The following NEDD4L variants were observed in gnomAD, a reference collection of about 807,000 sequenced individuals.
NEDD4L encodes NEDD4 like E3 ubiquitin protein ligase.
Under a neutral mutation model 148.9 loss-of-function variants are expected in NEDD4L, and 54 were observed. The observed-to-expected ratio is 0.36, with a 90% CI of 0.29 to 0.45. The LOEUF is 0.45. NEDD4L is among the 20% of genes least tolerant of loss of function. The pLI is 1.00. For synonymous variants in NEDD4L, 433 were observed against 440.7 expected (o/e 0.98, Z 0.22); for missense variants, 856 against 1,233.8 (o/e 0.69, Z 4.59).
intron 1 of NEDD4L, among the ~76,000 whole-genome samples, chr18:58,121,734 T>C (rs547749013): frequency 9.8e-5 from 15 of 152,354 alleles, no homozygotes; most frequent in African/African-American, 2.9e-4. Flanking sequence ...ATGTTTATTA[T>C]ATTTTCTGAT....
chr18:58,098,642 A>G (rs1027024813), intron 1 of NEDD4L, among the ~76,000 whole-genome samples: 1 of 152,148 alleles, frequency 6.6e-6, no homozygotes, highest in Non-Finnish European at 1.5e-5. Flanking sequence ...AGCTGCTGCC[A>G]TCATCATTGT....
At chr18:58,134,118 A>C (rs1184224875) in intron 1 of NEDD4L, among the ~76,000 whole-genome samples, 1 of 152,078 alleles carries the variant, frequency 6.6e-6, no homozygotes, top group East Asian at 1.9e-4. Flanking sequence ...CTCCTGCCTC[A>C]GCCTCTTGAG....
intron 1 of NEDD4L, among the ~76,000 whole-genome samples, chr18:58,135,758 G>A (rs1381256676): frequency 6.6e-6 from 1 of 152,200 alleles, no homozygotes; most frequent in Non-Finnish European, 1.5e-5. Context: ...CCCTTGATTT[G>A]TGGGATCGTT....
chr18:58,204,122 T>C (rs760085021), intron 2 of NEDD4L, among the ~76,000 whole-genome samples: 22 of 151,924 alleles, frequency 1.4e-4, no homozygotes, highest in Non-Finnish European at 3.1e-4. Context: ...TGGCCAGGAG[T>C]TTGAGACCTG....
intron 5 of NEDD4L, among the ~76,000 whole-genome samples, chr18:58,264,816 C>T (rs1342908791): frequency 6.6e-6 from 1 of 152,076 alleles, no homozygotes; most frequent in Non-Finnish European, 1.5e-5. Flanking sequence ...ATTTACCAAC[C>T]CTGAGAGCTT....
intron 26 of NEDD4L, among the ~76,000 whole-genome samples, chr18:58,386,655 C>A (rs1057330173): frequency 2.0e-5 from 3 of 152,104 alleles, no homozygotes; most frequent in Admixed American, 2.0e-4. Context: ...TATTAGTTAC[C>A]TCAAAGATCA....
At chr18:58,300,508 C>T (rs770445096) in intron 5 of NEDD4L, among the ~76,000 whole-genome samples, 2 of 152,230 alleles carry the variant, frequency 1.3e-5, no homozygotes, top group African/African-American at 2.4e-5. Context: ...TAAATAACTA[C>T]ACCAAGTCAC....
At chr18:58,312,818 C>A (rs2057854459) in intron 5 of NEDD4L, among the ~76,000 whole-genome samples, 1 of 152,202 alleles carries the variant, frequency 6.6e-6, no homozygotes, top group South Asian at 2.1e-4. Context: ...GTAGCTGGGA[C>A]TACAGGCATG....
At chr18:58,266,086 A>G (rs922473413) in intron 5 of NEDD4L, among the ~76,000 whole-genome samples, 5 of 152,152 alleles carry the variant, frequency 3.3e-5, no homozygotes, top group Non-Finnish European at 2.9e-5. Flanking sequence ...AGATTTAGCA[A>G]CAAAAAGGGA....
At chr18:58,096,347 A>T (rs866763738) in intron 1 of NEDD4L, among the ~76,000 whole-genome samples, 3 of 116,256 alleles carry the variant, frequency 2.6e-5, no homozygotes, top group Non-Finnish European at 3.5e-5. Context: ...ATTTTATTTT[A>T]TTTATTTTAT....
chr18:58,110,375 G>A (rs2145650617), intron 1 of NEDD4L, among the ~76,000 whole-genome samples: 1 of 152,340 alleles, frequency 6.6e-6, no homozygotes, highest in Non-Finnish European at 1.5e-5. Flanking sequence ...CGTTCACACA[G>A]GTTTGGATCT....
rs199976738 is a variant in NEDD4L at position 58,116,844 on chromosome 18, CT to C, written c.49-48942del. 1.1e-4 allele frequency among the ~76,000 whole-genome samples: 17 copies of C among 152,356 alleles called. No individual in the cohort carries two copies. The East Asian group carries it at 2.9e-3, about 26-fold the overall frequency. On this transcript the variant is annotated intron_variant, in intron 1 of 30. Transcript: ENST00000400345. ...ATGGTCCATCCTTTGGACTGATCTC[CT>C]TGTGAAGGATACAATACAGCAAGGA...
chr18:58,285,540 C>A (rs539195079), intron 5 of NEDD4L, among the ~76,000 whole-genome samples: 20 of 152,252 alleles, frequency 1.3e-4, no homozygotes, highest in African/African-American at 4.8e-4. Flanking sequence ...ATTAGCTATA[C>A]AAAGGTGGTT....
At chr18:58,136,869 G>A (rs574439399) in intron 1 of NEDD4L, among the ~76,000 whole-genome samples, 2 of 152,292 alleles carry the variant, frequency 1.3e-5, no homozygotes, top group Admixed American at 1.3e-4. Context: ...TGTATACACT[G>A]ACTGGACAGG....
chr18:58,269,799 A>G (rs2050763665), intron 5 of NEDD4L, among the ~76,000 whole-genome samples: 1 of 151,088 alleles, frequency 6.6e-6, no homozygotes, highest in African/African-American at 2.4e-5. Flanking sequence ...TTCCTTCATC[A>G]CCCCAAATCT....
chr18:58,076,627 C>T (rs574916389), intron 1 of NEDD4L, among the ~76,000 whole-genome samples: 63 of 152,160 alleles, frequency 4.1e-4, no homozygotes, highest in Non-Finnish European at 8.4e-4. Flanking sequence ...AAACTGAGAG[C>T]TCAGTGAGGT....
intron 5 of NEDD4L, among the ~76,000 whole-genome samples, chr18:58,304,241 A>G (rs2056818110): frequency 6.6e-6 from 1 of 151,746 alleles, no homozygotes; most frequent in African/African-American, 2.4e-5. Context: ...TTTATTGGCC[A>G]GGGGCAGTGG....
At chr18:58,341,621 A>G in intron 14 of NEDD4L, 57 bp from the exon 15 acceptor site, 6 of 1,573,482 alleles carry the variant, frequency 3.8e-6, no homozygotes, top group Non-Finnish European at 4.3e-6. Flanking sequence ...CGCGCTCCTA[A>G]TCACACACAC....
intron 1 of NEDD4L, among the ~76,000 whole-genome samples, chr18:58,100,820 C>T (rs9958896): frequency 0.091 from 13,796 of 152,126 alleles, 669 homozygotes; most frequent in Non-Finnish European, 0.11. Flanking sequence ...AAAATATTTT[C>T]TTTTGAGACA....
Sources: gnomAD v4.1 joint callset for allele counts (sites outside exome capture counted in the v4.1 genomes callset) on GRCh38, gnomAD v4.1.1 for gene constraint, MANE v1.5 for transcripts, NCBI Gene and HGNC (gene_info 2026-07-23, HGNC 2026-07-21) for gene names.